TM6SF1: variants seen among roughly 807,000 people sequenced by gnomAD.
The protein encoded by TM6SF1 is transmembrane 6 superfamily member 1.
In TM6SF1, 43 loss-of-function variants were observed where a neutral mutation model predicts 47.1. The ratio of observed to expected loss-of-function variants is 0.91; its 90% CI spans 0.72 to 1.18. TM6SF1 has a LOEUF of 1.18. TM6SF1 is among the 50% of genes most tolerant of loss of function. The probability of loss-of-function intolerance (pLI) is 0.00; values close to 1 mark genes in which losing one functional copy is unlikely to be tolerated. For synonymous variants in TM6SF1, 177 were observed against 166.3 expected (o/e 1.06, Z -0.49); for missense variants, 390 against 449.0 (o/e 0.87, Z 1.19).
intron 4 of TM6SF1, among the ~76,000 whole-genome samples, chr15:83,120,955 G>A (rs1433205756): frequency 6.6e-6 from 1 of 151,620 alleles, no homozygotes; most frequent in African/African-American, 2.4e-5. Context: ...TTGAGGGCGG[G>A]GGTGGGGCAG....
chr15:83,122,998 G>A, intron 6 of TM6SF1, 120 bp downstream of exon 6: 1 of 1,135,592 alleles, frequency 8.8e-7, no homozygotes. Context: ...TCCAAACAGT[G>A]CGACTGTTTT....
chr15:83,131,338 T>TGGTTAC (rs2036232619), intron 9 of TM6SF1: 2 of 151,472 alleles, frequency 1.3e-5, no homozygotes, highest in Admixed American at 1.3e-4. Flanking sequence ...ATGGAAGAAA[T>TGGTTAC]ATTGAGTAGT....
chr15:83,116,078 G>C, intron 3 of TM6SF1, 136 bp downstream of exon 3: 1 of 676,084 alleles, frequency 1.5e-6, no homozygotes, highest in South Asian at 1.9e-5. Context: ...AATAGCCTTA[G>C]GTCGCTTAGT....
intron 9 of TM6SF1, chr15:83,135,417 C>A (rs2036542498): frequency 6.6e-6 from 1 of 152,150 alleles, no homozygotes; most frequent in Admixed American, 6.6e-5. Context: ...AGTCTTTTGT[C>A]TCTTTGATCC....
At position 83,111,935 on chromosome 15, in the gene TM6SF1, GAATT is replaced by G. The variant is rs140298015; in HGVS notation, c.93-854_93-851del. 2.0e-3 allele frequency among the ~76,000 whole-genome samples: 303 copies of G among 152,234 alleles called. 1 individual carries two copies. Among genetic ancestry groups the G allele is most frequent in the African/African-American group, 6.7e-3 (279 of 41,534 alleles). ...ACATTTTTTTGCTTGCTATGTTTTT[GAATT>G]AATTAATAAACAGATAGATGCAATG... On this transcript the variant is annotated intron_variant, in intron 1 of 9. Coordinates refer to ENST00000322019, the MANE Select transcript of TM6SF1 (RefSeq NM_023003.5).
At chr15:83,118,069 T>C (rs769718485) in intron 3 of TM6SF1, among the ~76,000 whole-genome samples, 10 of 152,130 alleles carry the variant, frequency 6.6e-5, no homozygotes, top group Admixed American at 1.3e-4. Flanking sequence ...ACCATTAATA[T>C]AGAGAGGCCA....
chr15:83,136,536 G>C lies in TM6SF1; in HGVS notation c.977G>C (p.Arg326Thr). The stretch of plus-strand genomic sequence containing the variant: ...CATGCTAGAACTGCTTATGTCTACA[G>C]AGTCCCTGAAGAAGCAAAAATCCTT... The part of the protein sequence containing the change: ...SLHARTAYVY[R>T]VPEEAKILFL... The change falls in exon 10 of 10, where the codon AGA (arginine) becomes ACA (threonine). Residue 326 changes from arginine (R) to threonine (T), a missense_variant. Physicochemically the swap from Arg to Thr is moderately conservative, Grantham distance 71. Coordinates refer to ENST00000322019, the MANE Select transcript of TM6SF1 (RefSeq NM_023003.5). 1 of 1,613,382 alleles carries C rather than the reference G, an allele frequency of 6.2e-7. No homozygotes were observed. The highest frequency in any genetic ancestry group is 8.5e-7 in the Non-Finnish European group (1 of 1,179,794).
chr15:83,112,541 G>T (rs567035100), intron 1 of TM6SF1, among the ~76,000 whole-genome samples: 8 of 152,210 alleles, frequency 5.3e-5, no homozygotes, highest in Admixed American at 1.3e-4. Flanking sequence ...TGTCATCTGT[G>T]CACATGAGAC....
chr15:83,122,175 G>A (rs753547109), intron 5 of TM6SF1, among the ~76,000 whole-genome samples, 172 bp downstream of exon 5: 45 of 152,144 alleles, frequency 3.0e-4, no homozygotes, highest in Non-Finnish European at 6.2e-4. Flanking sequence ...TTTTTAAGAA[G>A]TGCTTTGAGC....
chr15:83,127,280 G>T, intron 8 of TM6SF1, 78 bp from the exon 9 acceptor site: 1 of 1,398,250 alleles, frequency 7.2e-7, no homozygotes, highest in Non-Finnish European at 9.5e-7. Context: ...AGATGAAAAT[G>T]TTTACTTTTT....
At chr15:83,122,153 T>C in intron 5 of TM6SF1, 150 bp downstream of exon 5, 1 of 707,952 alleles carries the variant, frequency 1.4e-6, no homozygotes, top group Non-Finnish European at 2.4e-6. Context: ...TTCTCACCTT[T>C]AAAAAAAGTA....
In TM6SF1 at chr15:83,124,672, G is replaced by T; in HGVS notation, c.604G>T (p.Val202Phe). The change falls in exon 7 of 10, where the codon GTT becomes TTT. Residue 202 changes from valine (V) to phenylalanine (F), a missense_variant and splice_region_variant. Transcript: ENST00000322019. ...TCTTTAGGTACAAACTCTATTTTAG[G>T]TTATTCAAGAAGCCCAAGCGAAAGA... is the stretch of plus-strand genomic sequence containing the variant. ...PSENYNYPSK[V>F]IQEAQAKDLL... 1 of 1,613,398 alleles carries T rather than the reference G, an allele frequency of 6.2e-7. No individual in the cohort carries two copies. The highest frequency in any genetic ancestry group is 2.2e-5 in the East Asian group (1 of 44,844).
At chr15:83,117,407 G>A (rs1360296614) in intron 3 of TM6SF1, among the ~76,000 whole-genome samples, 2 of 152,194 alleles carry the variant, frequency 1.3e-5, no homozygotes, top group East Asian at 3.9e-4. Context: ...TCTGAGAGGA[G>A]AAGGGCTTGC....
chr15:83,111,412 CATCCATTCATCCATCATCT>C (rs1464007293), intron 1 of TM6SF1, among the ~76,000 whole-genome samples: 3 of 152,042 alleles, frequency 2.0e-5, no homozygotes, highest in South Asian at 2.1e-4. Flanking sequence ...ATCATCCATC[CATCCATTCATCCATCATCT>C]ATCCATTCAT....
intron 7 of TM6SF1, 50 bp from the exon 8 acceptor site, chr15:83,126,705 A>G (rs2035780382): frequency 6.7e-7 from 1 of 1,492,202 alleles, no homozygotes. Flanking sequence ...CAGCAAACCT[A>G]AGAACCAGAT....
At chr15:83,113,972 C>G (rs1389935217) in intron 2 of TM6SF1, 1 of 152,216 alleles carries the variant, frequency 6.6e-6, no homozygotes, top group Non-Finnish European at 1.5e-5. Flanking sequence ...CTAGTTTCTC[C>G]CAATCCACAT....
Position 83,107,666 on chromosome 15 carries a change from G to A in TM6SF1, c.-15G>A, listed in dbSNP as rs763051069. 4 of 1,536,376 alleles carry A rather than the reference G, an allele frequency of 2.6e-6. No homozygotes were observed. Among genetic ancestry groups the A allele is most frequent in the East Asian group, 5.4e-5 (2 of 36,778 alleles). On this transcript the variant is annotated 5_prime_UTR_variant, in exon 1 of 10. Coordinates refer to ENST00000322019, the MANE Select transcript of TM6SF1 (RefSeq NM_023003.5). This position sits in a 1 kb window ranked among gnomAD's most constrained non-coding sequence, Gnocchi z 5.6. ...CAGCGGGATGCGGTGAAGGGCGAGCGGCGCGGCGGCTGCGATGAGTGCCTC... is the reference window on the plus strand; with the variant it reads ...CAGCGGGATGCGGTGAAGGGCGAGCAGCGCGGCGGCTGCGATGAGTGCCTC...
At chr15:83,117,026 G>C (rs1202065757) in intron 3 of TM6SF1, among the ~76,000 whole-genome samples, 1 of 152,214 alleles carries the variant, frequency 6.6e-6, no homozygotes, top group East Asian at 1.9e-4. Context: ...CCCAGGCACA[G>C]TGAGAGACTC....
intron 4 of TM6SF1, 49 bp downstream of exon 4, chr15:83,119,730 A>T: frequency 6.2e-7 from 1 of 1,611,760 alleles, no homozygotes; most frequent in Non-Finnish European, 8.5e-7. Context: ...GCAACCGATA[A>T]GCGGGTATGT....
Sources: allele counts gnomAD v4.1 joint callset (sites outside exome capture counted in the v4.1 genomes callset), GRCh38; gene constraint gnomAD v4.1.1; non-coding constraint Gnocchi (gnomAD v3.1); transcripts MANE v1.5; gene names NCBI Gene and HGNC (gene_info 2026-07-23, HGNC 2026-07-21).